RNF43: variants seen among roughly 807,000 people sequenced by gnomAD.
RNF43 encodes the protein E3 ubiquitin-protein ligase RNF43.
Under a neutral mutation model 78.4 loss-of-function variants are expected in RNF43, and 37 were observed. That is an observed-to-expected ratio of 0.47 (90% CI 0.36 to 0.62). RNF43 has a LOEUF of 0.62. Ranked by LOEUF, RNF43 falls within the 20% of genes least tolerant of loss-of-function variation. RNF43 has a pLI of 0.00. For synonymous variants in RNF43, 347 were observed against 395.0 expected (o/e 0.88, Z 1.44); for missense variants, 774 against 1,007.9 (o/e 0.77, Z 3.14).
intron 3 of RNF43, among the ~76,000 whole-genome samples, chr17:58,369,548 G>A (rs1019431468): frequency 7.2e-5 from 11 of 152,152 alleles, no homozygotes; most frequent in African/African-American, 2.7e-4. Flanking sequence ...CACCCTTGGG[G>A]GCATACCCGT....
At chr17:58,405,803 T>C (rs983288391) in intron 2 of RNF43, among the ~76,000 whole-genome samples, 11 of 152,212 alleles carry the variant, frequency 7.2e-5, no homozygotes, top group Admixed American at 6.5e-5. Flanking sequence ...AATGCATTTA[T>C]GCCTACACCT....
At chr17:58,400,989 T>C (rs192644216) in intron 2 of RNF43, among the ~76,000 whole-genome samples, 2 of 152,178 alleles carry the variant, frequency 1.3e-5, no homozygotes, top group East Asian at 1.9e-4. Flanking sequence ...CTGGTGACCA[T>C]AGGGTAACCT....
chr17:58,370,936 C>T lies in RNF43; in HGVS notation c.350G>A (p.Arg117His), dbSNP rs2257205. The change falls in exon 3 of 10, where the codon CGC becomes CAC. Residue 117 changes from arginine to histidine, a missense_variant. By Grantham distance (29) the Arg-to-His change is conservative. Transcript: ENST00000407977. Reference sequence around the variant, plus strand: ...CTTGCTAGCCAGTGACAGGCAGGGGCGGGGGGCCCGTCGAGGACTCTCCAG... The same window carrying T: ...CTTGCTAGCCAGTGACAGGCAGGGGTGGGGGGCCCGTCGAGGACTCTCCAG... ...VKLESPRRAP[R>H]PCLSLASKAR... The T allele has an allele frequency of 0.13, 208,067 of 1,605,284 alleles. 16,938 individuals are homozygous for T. The highest frequency in any genetic ancestry group is 0.36 in the East Asian group (15,952 of 44,740).
intron 2 of RNF43, among the ~76,000 whole-genome samples, chr17:58,388,942 G>C (rs972523586): frequency 1.3e-5 from 2 of 152,208 alleles, no homozygotes; most frequent in Non-Finnish European, 2.9e-5. Context: ...AGATAGCTTG[G>C]ATAGCTGAGG....
rs1179055347 is a variant in RNF43 at position 58,401,915 on chromosome 17, T to C, written c.252+13411A>G. On this transcript the variant is annotated intron_variant, in intron 2 of 9. Transcript: ENST00000407977. ...GAGTAGAATAAAAACCTTTGGCAAA[T>C]CCTACTTACTTCCCAGATCCTACCT... Among the ~76,000 whole-genome samples, 4 of 151,896 alleles carry C rather than the reference T, an allele frequency of 2.6e-5. No individual in the cohort carries two copies. In the South Asian group the frequency reaches 6.3e-4, roughly 24 times the overall value.
intron 2 of RNF43, among the ~76,000 whole-genome samples, chr17:58,403,000 G>T (rs1216366756): frequency 6.6e-6 from 1 of 152,074 alleles, no homozygotes; most frequent in Admixed American, 6.5e-5. Flanking sequence ...GAGTTTTTTT[G>T]GGGTGGGGGG....
Position 58,362,534 on chromosome 17 carries a change from C to G in RNF43, c.687+10G>C. The G allele has an allele frequency of 6.2e-7, 1 of 1,602,634 alleles. No individual in the cohort carries two copies. Among genetic ancestry groups the G allele is most frequent in the Non-Finnish European group, 8.5e-7 (1 of 1,174,004 alleles). ...ACGTTCACCGCCGCCAAAGACCCCA[C>G]ACTGCTCACCGGCCTGCTGTGGCGG... On this transcript the variant is annotated intron_variant, in intron 6 of 9. Transcript: ENST00000407977.
chr17:58,411,158 G>A (rs2143680650), intron 2 of RNF43, among the ~76,000 whole-genome samples: 1 of 152,272 alleles, frequency 6.6e-6, no homozygotes, highest in South Asian at 2.1e-4. Context: ...TAAAGTGCAT[G>A]TAAATAGCAC....
intron 2 of RNF43, among the ~76,000 whole-genome samples, chr17:58,377,302 C>T (rs970716669): frequency 6.6e-6 from 1 of 152,180 alleles, no homozygotes; most frequent in Non-Finnish European, 1.5e-5. Flanking sequence ...AATAAAGTCC[C>T]TTCTTATTCC....
intron 2 of RNF43, among the ~76,000 whole-genome samples, chr17:58,409,959 T>A (rs1373612161): frequency 6.6e-6 from 1 of 151,904 alleles, no homozygotes; most frequent in African/African-American, 2.4e-5. Flanking sequence ...CACACATATA[T>A]ACATACACAC....
At chr17:58,405,738 G>T (rs1355933772) in intron 2 of RNF43, among the ~76,000 whole-genome samples, 1 of 151,080 alleles carries the variant, frequency 6.6e-6, no homozygotes, top group African/African-American at 2.4e-5. Flanking sequence ...AAGAAAGAAA[G>T]AAAGAAAGAA....
chr17:58,358,084 C>A lies in RNF43; in HGVS notation c.1692G>T (p.Trp564Cys), dbSNP rs2143403340. ...TTTCTGGGCCAGGCTTCCTGCCATG[C>A]CACTGGAACCGCTTTTTGTAGTGGT... ...RHHHYKKRFQ[W>C]HGRKPGPETG... Residue 564 changes from tryptophan to cysteine, a missense_variant, in exon 9 of 10, where the codon TGG becomes TGT. Transcript: ENST00000407977. The surrounding 1 kb of genome is among the most constrained non-coding windows in gnomAD (Gnocchi z 6.2). 1 of 1,605,052 alleles carries A rather than the reference C, an allele frequency of 6.2e-7. No homozygotes were observed.
At chr17:58,356,942 G>T in intron 9 of RNF43, 1 of 352,276 alleles carries the variant, frequency 2.8e-6, no homozygotes, top group Non-Finnish European at 5.2e-6. Context: ...TACCCAGGCT[G>T]GAGTGCAGTG....
intron 3 of RNF43, among the ~76,000 whole-genome samples, chr17:58,364,618 G>A (rs1972910170): frequency 6.6e-6 from 1 of 152,206 alleles, no homozygotes; most frequent in Admixed American, 6.5e-5. Flanking sequence ...CCACCCTCCA[G>A]CCTTCCTCCC....
chr17:58,415,582 C>T lies in RNF43; in HGVS notation c.-5G>A. 1 of 1,605,562 alleles carries T rather than the reference C, an allele frequency of 6.2e-7. No homozygotes were observed. The highest frequency in any genetic ancestry group is 1.7e-5 in the Admixed American group (1 of 60,022). On this transcript the variant is annotated 5_prime_UTR_variant, in exon 2 of 10. The change creates a premature stop within an existing upstream ORF in the 5' untranslated region. Transcript: ENST00000407977. The stretch of plus-strand genomic sequence containing the variant: ...CAGCTGGTGGCCACCACTCATGCTA[C>T]CAGCTGCAGCAATGCACTTCAACCA...
Position 58,357,331 on chromosome 17 carries a change from G to A in RNF43, c.2308+137C>T, listed in dbSNP as rs766391168. The A allele has an allele frequency of 9.1e-6, 10 of 1,097,186 alleles. No homozygotes were observed. The highest frequency in any genetic ancestry group is 7.6e-5 in the South Asian group (6 of 78,512). 68.0% of individuals were successfully genotyped at this position (1,097,186 alleles called of 1,614,324 possible). ...GCCAGCATGATACGCTGTCCCGATGGTTAAGTATTTTGGTTGTCATCTCTG... is the reference window on the plus strand; with the variant it reads ...GCCAGCATGATACGCTGTCCCGATGATTAAGTATTTTGGTTGTCATCTCTG... On this transcript the variant is annotated intron_variant, in intron 9 of 9. Transcript: ENST00000407977. This position sits in a 1 kb window ranked among gnomAD's most constrained non-coding sequence, Gnocchi z 4.5.
intron 2 of RNF43, among the ~76,000 whole-genome samples, chr17:58,378,098 T>A (rs1054211772): frequency 4.6e-5 from 7 of 152,256 alleles, no homozygotes; most frequent in Non-Finnish European, 8.8e-5. Flanking sequence ...ACAGGTTAGA[T>A]CCTAATGGTG....
At chr17:58,388,860 G>A (rs1973488663) in intron 2 of RNF43, among the ~76,000 whole-genome samples, 1 of 152,162 alleles carries the variant, frequency 6.6e-6, no homozygotes, top group African/African-American at 2.4e-5. Flanking sequence ...GAAAAAGTAA[G>A]GTTCTTGAGC....
rs1041919045 is a variant in RNF43 at position 58,359,320 on chromosome 17, G to A, written c.953-497C>T. 8.6e-5 allele frequency among the ~76,000 whole-genome samples: 13 copies of A among 152,000 alleles called. No homozygotes were observed. The East Asian group carries it at 1.5e-3, about 18-fold the overall frequency. The stretch of plus-strand genomic sequence containing the variant: ...ACAATAATAAAGATTATCTACGGCC[G>A]GGCGCGGTGGCTCATGCCTGTAATC... On this transcript the variant is annotated intron_variant, in intron 8 of 9. Transcript: ENST00000407977.
Sources: allele counts gnomAD v4.1 joint callset (sites outside exome capture counted in the v4.1 genomes callset), GRCh38; gene constraint gnomAD v4.1.1; non-coding constraint Gnocchi (gnomAD v3.1); transcripts MANE v1.5; gene names NCBI Gene and HGNC (gene_info 2026-07-23, HGNC 2026-07-21).